The following SFSWAP variants were observed in gnomAD, a reference collection of about 807,000 sequenced individuals.
SFSWAP encodes the protein splicing factor, suppressor of white-apricot homolog.
A neutral mutation model predicts 100.7 loss-of-function variants in SFSWAP; 17 were observed. The ratio of observed to expected loss-of-function variants is 0.17; its 90% confidence interval spans 0.12 to 0.25. The LOEUF (loss-of-function observed/expected upper bound fraction) is 0.25, where lower values mean the gene tolerates loss of function less well. Among genes scored for constraint, SFSWAP ranks in the 10% least tolerant of loss-of-function variants. The pLI, the probability that SFSWAP is intolerant of heterozygous loss-of-function variation, is 1.00. For missense variants in SFSWAP, 1,005 were observed against 1,262.6 expected, an observed-to-expected ratio of 0.80 and a Z score of 3.09; for synonymous variants, 504 against 510.1, an observed-to-expected ratio of 0.99 and a Z score of 0.16.
At position 131,719,422 on chromosome 12, in the gene SFSWAP, G is replaced by A. The variant is rs1199660358; in HGVS notation, c.521-32G>A. 3 of 1,572,042 alleles carry A rather than the reference G, an allele frequency of 1.9e-6. No individual in the cohort carries two copies. The East Asian group carries it at 6.7e-5, about 35-fold the overall frequency. On this transcript the variant is annotated intron_variant, in intron 3 of 17. Coordinates refer to ENST00000261674, the MANE Select transcript of SFSWAP (RefSeq NM_004592.4). ...TAGCAGGTGCCTTCCTCCCTGCATT[G>A]TTCTGAATTTTTTAATTTTCTTTTT... is the stretch of plus-strand genomic sequence containing the variant.
chr12:131,760,355 A>C (rs1034827154), intron 11 of SFSWAP, among the ~76,000 whole-genome samples: 9 of 152,250 alleles, frequency 5.9e-5, no homozygotes, highest in African/African-American at 1.7e-4. Flanking sequence ...TCACTGACCT[A>C]GAGAAATAGA....
intron 7 of SFSWAP, among the ~76,000 whole-genome samples, chr12:131,749,893 C>A (rs1200947417): frequency 6.6e-6 from 1 of 152,238 alleles, no homozygotes; most frequent in African/African-American, 2.4e-5. Flanking sequence ...GAGCCCAGAG[C>A]AAAGGCCTCC....
intron 11 of SFSWAP, chr12:131,756,936 G>T (rs902466495): frequency 2.3e-5 from 7 of 300,842 alleles, no homozygotes; most frequent in East Asian, 1.2e-4. Context: ...GTACTCCCTG[G>T]GACTTCTGAA....
chr12:131,753,111 G>C lies in SFSWAP; in HGVS notation c.1082-12G>C. 6.2e-7 allele frequency: 1 copy of C among 1,613,996 alleles called. No individual in the cohort carries two copies. Among genetic ancestry groups the C allele is most frequent in the Non-Finnish European group, 8.5e-7 (1 of 1,179,922 alleles). On this transcript the variant is annotated splice_polypyrimidine_tract_variant and intron_variant, in intron 7 of 17. Coordinates refer to ENST00000261674, the MANE Select transcript of SFSWAP (RefSeq NM_004592.4). The stretch of plus-strand genomic sequence containing the variant: ...CCGGCCATGCTCACTCCGGGGCAAT[G>C]TGTCTCCACAGCGACCGTGGCAGCC...
rs1048448998 is a variant in SFSWAP at position 131,799,566 on chromosome 12, C to T, written c.*78C>T. ...TCACGCAGACGCCGGCCACACCATCCACCTGGCCGCCTCCATGGACCCTTG... is the reference window on the plus strand; with the variant it reads ...TCACGCAGACGCCGGCCACACCATCTACCTGGCCGCCTCCATGGACCCTTG... On this transcript the variant is annotated 3_prime_UTR_variant, in exon 18 of 18. Coordinates refer to ENST00000261674, the MANE Select transcript of SFSWAP (RefSeq NM_004592.4). 1.7e-6 allele frequency: 2 copies of T among 1,205,304 alleles called. No homozygotes were observed. The highest frequency in any genetic ancestry group is 2.3e-5 in the Admixed American group (1 of 43,606). 74.7% of individuals were successfully genotyped at this position (1,205,304 alleles called of 1,614,324 possible).
rs1321478145 is a variant in SFSWAP at position 131,764,011 on chromosome 12, A to G, written c.1721-445A>G. Among the ~76,000 whole-genome samples the G allele has an allele frequency of 5.9e-5, 9 of 152,300 alleles. No individual in the cohort carries two copies. In the East Asian group the frequency reaches 9.6e-4, roughly 16 times the overall value. On this transcript the variant is annotated intron_variant, in intron 11 of 17. Transcript: ENST00000261674. ...CATGGCAGCGGGCGCCTGTACTCCC[A>G]GCTACTCAGGAGGCTGAGGCAGGAG...
chr12:131,797,325 T>C lies in SFSWAP; in HGVS notation c.2682T>C (p.Pro894=). 5 of 1,610,630 alleles carry C rather than the reference T, an allele frequency of 3.1e-6. No individual in the cohort carries two copies. Among genetic ancestry groups the C allele is most frequent in the Non-Finnish European group, 4.2e-6 (5 of 1,178,572 alleles). The change falls in exon 16 of 18, where the codon CCT becomes CCC. Residue 894 remains proline, a synonymous_variant. Coordinates refer to ENST00000261674, the MANE Select transcript of SFSWAP (RefSeq NM_004592.4). ...AHSAHSASVS[P]VESRGSSQER... ...CGGCGCACTCAGCCAGCGTCTCCCCTGTGGAGAGTCGGGGCTCCAGCCAGG... is the reference window on the plus strand; with the variant it reads ...CGGCGCACTCAGCCAGCGTCTCCCCCGTGGAGAGTCGGGGCTCCAGCCAGG...
intron 4 of SFSWAP, among the ~76,000 whole-genome samples, chr12:131,722,521 G>T (rs1021182118): frequency 7.2e-5 from 11 of 152,310 alleles, no homozygotes; most frequent in Non-Finnish European, 1.5e-4. Flanking sequence ...GGAAGGATTC[G>T]ATAGTTGCTG....
At chr12:131,797,473 C>T (rs1318431498) in intron 16 of SFSWAP, 113 bp downstream of exon 16, 5 of 1,008,792 alleles carry the variant, frequency 5.0e-6, no homozygotes, top group South Asian at 1.8e-5. Flanking sequence ...GTCCAGGGGG[C>T]GCCAGCCACA....
chr12:131,792,717 T>C (rs975328811), intron 15 of SFSWAP, among the ~76,000 whole-genome samples: 12 of 152,258 alleles, frequency 7.9e-5, no homozygotes, highest in Non-Finnish European at 1.8e-4. Flanking sequence ...CTCAAGAACA[T>C]AGATGCAAAA....
chr12:131,783,823 A>ATATATATATTT (rs1555251703), intron 14 of SFSWAP: 2 of 68,714 alleles, frequency 2.9e-5, no homozygotes, highest in East Asian at 1.3e-3. Context: ...TATATATATA[A>ATATATATATTT]TTCTTTGTAG....
intron 4 of SFSWAP, among the ~76,000 whole-genome samples, chr12:131,721,088 T>C (rs1263216600): frequency 6.6e-6 from 1 of 151,664 alleles, no homozygotes; most frequent in African/African-American, 2.4e-5. Context: ...GGCAGGGAGG[T>C]GCTACACACT....
intron 14 of SFSWAP, chr12:131,785,661 G>A (rs1213855498): frequency 6.4e-6 from 1 of 156,454 alleles, no homozygotes; most frequent in Non-Finnish European, 1.4e-5. Flanking sequence ...CGGGTCTCAG[G>A]GTCCTTGGCC....
intron 8 of SFSWAP, among the ~76,000 whole-genome samples, chr12:131,753,658 G>T (rs1331295193): frequency 1.3e-5 from 2 of 152,382 alleles, no homozygotes; most frequent in Middle Eastern, 3.4e-3. Context: ...CAGAGTCTCA[G>T]TTGAGCTGTG....
chr12:131,727,275 A>G (rs1039404300), intron 6 of SFSWAP, among the ~76,000 whole-genome samples: 6 of 152,258 alleles, frequency 3.9e-5, no homozygotes, highest in African/African-American at 1.4e-4. Flanking sequence ...TTTGCTCAGG[A>G]TAATTTTACC....
intron 7 of SFSWAP, 21 bp from the exon 8 acceptor site, chr12:131,753,102 C>G (rs772578656): frequency 1.2e-6 from 2 of 1,613,326 alleles, no homozygotes; most frequent in East Asian, 2.2e-5. Context: ...ATGCTCACTC[C>G]GGGGCAATGT....
chr12:131,792,777 C>G (rs1232410434), intron 15 of SFSWAP, among the ~76,000 whole-genome samples: 3 of 152,252 alleles, frequency 2.0e-5, no homozygotes, highest in Non-Finnish European at 4.4e-5. Flanking sequence ...CTCCTGTTCT[C>G]CACAAGTTGA....
chr12:131,750,333 T>C (rs764025765), intron 7 of SFSWAP, among the ~76,000 whole-genome samples: 8 of 152,216 alleles, frequency 5.3e-5, no homozygotes, highest in Admixed American at 3.3e-4. Context: ...GACAGAGAAG[T>C]GTTTTCATCT....
At chr12:131,761,903 G>C (rs1389559438) in intron 11 of SFSWAP, among the ~76,000 whole-genome samples, 1 of 152,168 alleles carries the variant, frequency 6.6e-6, no homozygotes, top group Non-Finnish European at 1.5e-5. Context: ...CCTGTGGGCT[G>C]TGTGCCATAG....
Sources: gnomAD v4.1 joint callset for allele counts (sites outside exome capture counted in the v4.1 genomes callset) on GRCh38, gnomAD v4.1.1 for gene constraint, MANE v1.5 for transcripts, NCBI Gene and HGNC (gene_info 2026-07-23, HGNC 2026-07-21) for gene names.